ITPR2: variants seen among roughly 807,000 people sequenced by gnomAD.
ITPR2 encodes inositol 1,4,5-trisphosphate-gated calcium channel ITPR2.
Under a neutral mutation model 317.1 loss-of-function variants are expected in ITPR2, and 207 were observed. The observed-to-expected ratio is 0.65, with a 90% CI of 0.58 to 0.73. The LOEUF is 0.73. Among genes scored for constraint, ITPR2 ranks in the 30% least tolerant of loss-of-function variants. The probability of loss-of-function intolerance (pLI) is 0.00; values close to 1 mark genes in which losing one functional copy is unlikely to be tolerated. For synonymous variants in ITPR2, 1,156 were observed against 1,149.1 expected (o/e 1.01, Z -0.12); for missense variants, 2,613 against 3,284.0 (o/e 0.80, Z 4.99).
chr12:26,443,302 AC>A (rs1477599053), intron 46 of ITPR2, among the ~76,000 whole-genome samples: 1 of 151,914 alleles, frequency 6.6e-6, no homozygotes, highest in Non-Finnish European at 1.5e-5. Context: ...CAGTTAAAAA[AC>A]ATCTATTAAT....
At chr12:26,371,321 A>AG (rs1479050068) in intron 55 of ITPR2, among the ~76,000 whole-genome samples, 1 of 152,236 alleles carries the variant, frequency 6.6e-6, no homozygotes, top group East Asian at 1.9e-4. Context: ...GGTGCTAGAA[A>AG]GGACCTTAGA....
intron 45 of ITPR2, among the ~76,000 whole-genome samples, chr12:26,449,186 T>C (rs1170068006): frequency 1.3e-5 from 2 of 152,160 alleles, no homozygotes; most frequent in African/African-American, 2.4e-5. Context: ...AACTGTGACA[T>C]AGCAATTGGC....
At chr12:26,404,682 G>A (rs774326411) in intron 52 of ITPR2, among the ~76,000 whole-genome samples, 1 of 152,168 alleles carries the variant, frequency 6.6e-6, no homozygotes, top group Non-Finnish European at 1.5e-5. Flanking sequence ...GAGTTTCAGG[G>A]AATAAGAAAA....
At chr12:26,395,351 T>C (rs1939962160) in intron 54 of ITPR2, among the ~76,000 whole-genome samples, 1 of 152,102 alleles carries the variant, frequency 6.6e-6, no homozygotes, top group African/African-American at 2.4e-5. Flanking sequence ...TTTAAAGGAA[T>C]TTATAGGTGA....
chr12:26,436,437 C>A, intron 47 of ITPR2, 91 bp from the exon 48 acceptor site: 1 of 1,165,212 alleles, frequency 8.6e-7, no homozygotes, highest in Non-Finnish European at 1.2e-6. Context: ...TTACTAAATG[C>A]ATCATTTTTG....
chr12:26,510,016 G>T (rs1943294805), intron 37 of ITPR2, among the ~76,000 whole-genome samples: 1 of 142,968 alleles, frequency 7.0e-6, no homozygotes, highest in Non-Finnish European at 1.5e-5. Flanking sequence ...TGGGGGGTGG[G>T]GGTGGGGAGA....
At chr12:26,767,235 T>C (rs1156879748) in intron 2 of ITPR2, among the ~76,000 whole-genome samples, 6 of 152,224 alleles carry the variant, frequency 3.9e-5, no homozygotes, top group Admixed American at 2.0e-4. Context: ...CTTCTTGTAC[T>C]TGTGTCTTTC....
chr12:26,767,535 C>T (rs1201669842), intron 2 of ITPR2, among the ~76,000 whole-genome samples: 1 of 152,168 alleles, frequency 6.6e-6, no homozygotes, highest in Non-Finnish European at 1.5e-5. Context: ...AAGAAAATAT[C>T]ACACCTCTTT....
rs773233892 is a variant in ITPR2, at chr12:26,655,889, G to A, written c.2445-37C>T. 3 of 1,564,012 alleles carry A rather than the reference G, an allele frequency of 1.9e-6. No homozygotes were observed. The South Asian group carries it at 3.4e-5, about 18-fold the overall frequency. ...GAAAGAAGATAACGCAAGTTAAACT[G>A]ATTGCAATCATTTAAAAATAGGAAA... On this transcript the variant is annotated intron_variant, in intron 19 of 56. Coordinates refer to ENST00000381340, the MANE Select transcript of ITPR2 (RefSeq NM_002223.4).
At position 26,360,048 on chromosome 12, in the gene ITPR2, G is replaced by C. The variant is rs148257990; in HGVS notation, c.7858-19720C>G. Among the ~76,000 whole-genome samples the C allele has an allele frequency of 2.1e-3, 324 of 152,236 alleles. 2 individuals carry two copies. Among genetic ancestry groups the C allele is most frequent in the Admixed American group, 6.1e-3 (93 of 15,296 alleles). ...ATCACTGACACACAAAGAGAAGAAG[G>C]AGGCCACTGCAGGATGGAAGGACTC... On this transcript the variant is annotated intron_variant, in intron 55 of 56. Coordinates refer to ENST00000381340, the MANE Select transcript of ITPR2 (RefSeq NM_002223.4).
chr12:26,465,520 A>C (rs754742259), intron 45 of ITPR2, among the ~76,000 whole-genome samples: 3 of 152,196 alleles, frequency 2.0e-5, no homozygotes, highest in Non-Finnish European at 4.4e-5. Flanking sequence ...TTTTTTAAAG[A>C]AGCAGATTTG....
chr12:26,496,439 T>C (rs755729581), intron 37 of ITPR2, among the ~76,000 whole-genome samples: 1 of 152,200 alleles, frequency 6.6e-6, no homozygotes, highest in Non-Finnish European at 1.5e-5. Flanking sequence ...GCTCCTCTCC[T>C]GGCTGGCAAT....
chr12:26,625,843 G>A lies in ITPR2; in HGVS notation c.3065-1487C>T, dbSNP rs181827528. On this transcript the variant is annotated intron_variant, in intron 23 of 56. Coordinates refer to ENST00000381340, the MANE Select transcript of ITPR2 (RefSeq NM_002223.4). ...CTAAGCTTACTATTACTAAAATTCC[G>A]TCCCTTTTTCTTGTGGGAAAGGGCA... Among the ~76,000 whole-genome samples the A allele has an allele frequency of 1.2e-3, 187 of 152,042 alleles. 1 individual carries two copies. Among genetic ancestry groups the A allele is most frequent in the Non-Finnish European group, 2.4e-3 (160 of 67,986 alleles).
At chr12:26,787,448 AAT>A in intron 2 of ITPR2, among the ~76,000 whole-genome samples, 1 of 152,238 alleles carries the variant, frequency 6.6e-6, no homozygotes, top group Admixed American at 6.5e-5. Flanking sequence ...CCCAGTGAAT[AAT>A]ATGAGACCAA....
rs1351819546 is a variant in ITPR2, at chr12:26,628,080, T to C, written c.3017A>G (p.Asn1006Ser). Residue 1006 changes from asparagine to serine, a missense_variant, in exon 23 of 57, where the codon AAT becomes AGT. Physicochemically the swap from Asn to Ser is conservative, Grantham distance 46. Around this residue, in one of 9 missense-constraint regions of ITPR2, gnomAD observed 817 missense variants for 897.6 expected, o/e 0.91. Coordinates refer to ENST00000381340, the MANE Select transcript of ITPR2 (RefSeq NM_002223.4). ...AGATCCACTGGCAGATGTCTCCGCA[T>C]TGTCATTGTCCTCTCCAAACTCCTT... Reference protein sequence around the residue: ...YKKEFGEDNDNAETSASGSPD... With the variant: ...YKKEFGEDNDSAETSASGSPD... 3 of 1,613,540 alleles carry C rather than the reference T, an allele frequency of 1.9e-6. No individual in the cohort carries two copies. Among genetic ancestry groups the C allele is most frequent in the Non-Finnish European group, 1.7e-6 (2 of 1,179,604 alleles).
At chr12:26,420,256 C>G (rs994440544) in intron 49 of ITPR2, among the ~76,000 whole-genome samples, 1 of 152,146 alleles carries the variant, frequency 6.6e-6, no homozygotes, top group Non-Finnish European at 1.5e-5. Context: ...ACAGTTTGCT[C>G]TTCCTAATTG....
chr12:26,542,115 T>C (rs1944280418), intron 37 of ITPR2, among the ~76,000 whole-genome samples: 1 of 152,228 alleles, frequency 6.6e-6, no homozygotes, highest in South Asian at 2.1e-4. Flanking sequence ...CTATCTCCAG[T>C]AGTCATCTTA....
intron 13 of ITPR2, among the ~76,000 whole-genome samples, chr12:26,672,075 A>G (rs2136939713): frequency 6.6e-6 from 1 of 152,230 alleles, no homozygotes; most frequent in South Asian, 2.1e-4. Flanking sequence ...CTACAAAGAG[A>G]CTTAGACTCC....
At chr12:26,408,759 A>G (rs993042921) in intron 52 of ITPR2, among the ~76,000 whole-genome samples, 2 of 152,236 alleles carry the variant, frequency 1.3e-5, no homozygotes, top group Non-Finnish European at 2.9e-5. Flanking sequence ...GTTAAAGTAT[A>G]TTTGCTTTAA....
Sources: allele counts gnomAD v4.1 joint callset (sites outside exome capture counted in the v4.1 genomes callset), GRCh38; gene constraint gnomAD v4.1.1; regional missense constraint gnomAD v4.1.1; transcripts MANE v1.5; gene names NCBI Gene and HGNC (gene_info 2026-07-23, HGNC 2026-07-21).